The following WFDC6 variants were observed in gnomAD, a reference collection of about 807,000 sequenced individuals.
WFDC6 encodes the protein WAP four-disulfide core domain protein 6.
In WFDC6, 10 loss-of-function variants were observed where a neutral mutation model predicts 8.2. The ratio of observed to expected loss-of-function variants is 1.22; its 90% CI spans 0.75 to 2.07. The LOEUF (loss-of-function observed/expected upper bound fraction) is 2.07. Ranked by LOEUF, WFDC6 falls within the 30% of genes most tolerant of loss-of-function variation. The pLI is 0.00. For synonymous variants in WFDC6, 28 were observed against 37.0 expected (o/e 0.76, Z 0.88); for missense variants, 105 against 104.9 (o/e 1.00, Z 0.00).
At chr20:45,537,362 G>T in intron 2 of WFDC6, 1 of 706,398 alleles carries the variant, frequency 1.4e-6, no homozygotes, top group Non-Finnish European at 2.4e-6. Flanking sequence ...TGACCTTCCT[G>T]GCCACAATGA....
chr20:45,535,326 A>G (rs1299187152), intron 2 of WFDC6: 3 of 1,303,014 alleles, frequency 2.3e-6, no homozygotes, highest in Non-Finnish European at 3.0e-6. Flanking sequence ...CATACTGCAT[A>G]TATCTGCAGG....
At chr20:45,534,569 G>A (rs1358755608) in intron 2 of WFDC6, 64 bp from the exon 3 acceptor site, 19 of 1,578,492 alleles carry the variant, frequency 1.2e-5, no homozygotes, top group Non-Finnish European at 1.6e-5. Context: ...ACCAAATCTT[G>A]CACCTAATGG....
chr20:45,534,317 T>C lies in WFDC6; in HGVS notation c.*150A>G. Reference sequence around the variant, plus strand: ...GTGGTCAAGGGGAAGAGCATTGTGTTTGAAGAGATGCTACGCTGGAAGAAA... The same window carrying C: ...GTGGTCAAGGGGAAGAGCATTGTGTCTGAAGAGATGCTACGCTGGAAGAAA... On this transcript the variant is annotated 3_prime_UTR_variant, in exon 3 of 3. Transcript: ENST00000372670. 4 of 900,422 alleles carry C rather than the reference T, an allele frequency of 4.4e-6. No homozygotes were observed. Among genetic ancestry groups the C allele is most frequent in the South Asian group, 2.8e-5 (2 of 71,500 alleles). 55.8% of individuals were successfully genotyped at this position (900,422 alleles called of 1,614,324 possible). A position where few individuals can be genotyped will look rare whatever the true frequency, so the allele number is the denominator to read the frequency against.
At chr20:45,536,720 C>A (rs890960661) in intron 2 of WFDC6, 1 of 152,238 alleles carries the variant, frequency 6.6e-6, no homozygotes, top group African/African-American at 2.4e-5. Context: ...TCTCAGCCCA[C>A]ATATTCATGC....
intron 2 of WFDC6, among the ~76,000 whole-genome samples, chr20:45,536,068 T>C (rs1174036258): frequency 6.6e-6 from 1 of 152,230 alleles, no homozygotes; most frequent in Non-Finnish European, 1.5e-5. Context: ...CTCTTTGCTT[T>C]TCTTCGTTGC....
chr20:45,539,301 A>G lies in WFDC6; in HGVS notation c.91+16T>C, dbSNP rs772986015. ...TTTCCTTTCCCCATTGCAAGGACGG[A>G]GTTCCCAATACTTACTGCCAAGGAT... On this transcript the variant is annotated intron_variant, in intron 1 of 2. Transcript: ENST00000372670. 3 of 1,612,472 alleles carry G rather than the reference A, an allele frequency of 1.9e-6. No homozygotes were observed. The highest frequency in any genetic ancestry group is 2.5e-6 in the Non-Finnish European group (3 of 1,178,692).
At position 45,534,475 on chromosome 20, in the gene WFDC6, G is replaced by T. The variant is rs1044159979; in HGVS notation, c.253C>A (p.Leu85Ile). The T allele has an allele frequency of 6.2e-7, 1 of 1,613,892 alleles. No homozygotes were observed. The highest frequency in any genetic ancestry group is 8.5e-7 in the Non-Finnish European group (1 of 1,179,924). ...GAGCCAAATCCTGGAGGTTATTCAA[G>T]CTCCTCCTTATGGTATAAAGTAAGG... Reference protein sequence around the residue: ...VSLTLYHKEELE With the variant: ...VSLTLYHKEEIE Residue 85 changes from leucine to isoleucine, a missense_variant, in exon 3 of 3, where the codon CTT (leucine) becomes ATT (isoleucine). Transcript: ENST00000372670.
At chr20:45,537,875 C>A in intron 2 of WFDC6, 89 bp downstream of exon 2, 1 of 1,596,138 alleles carries the variant, frequency 6.3e-7, no homozygotes. Flanking sequence ...CAGAGACCAG[C>A]CATCAGTGAA....
intron 2 of WFDC6, among the ~76,000 whole-genome samples, chr20:45,536,196 C>T (rs1979358048): frequency 6.6e-6 from 1 of 151,228 alleles, no homozygotes; most frequent in Non-Finnish European, 1.5e-5. Context: ...CATCTTGATA[C>T]AGCAGTTTCT....
At position 45,534,357 on chromosome 20, in the gene WFDC6, C is replaced by T; in HGVS notation, c.*110G>A. On this transcript the variant is annotated 3_prime_UTR_variant, in exon 3 of 3. Transcript: ENST00000372670. ...GCTGGAAGAAAGTGTGTAAGCAATT[C>T]CTGGGGTTCAGTTTCTGGAACAGCC... is the stretch of plus-strand genomic sequence containing the variant. 1.6e-6 allele frequency: 2 copies of T among 1,279,866 alleles called. No individual in the cohort carries two copies. Among genetic ancestry groups the T allele is most frequent in the Non-Finnish European group, 2.3e-6 (2 of 876,790 alleles). 79.3% of individuals were successfully genotyped at this position (1,279,866 alleles called of 1,614,324 possible). A position where few individuals can be genotyped will look rare whatever the true frequency, so the allele number is the denominator to read the frequency against.
At position 45,538,012 on chromosome 20, in the gene WFDC6, C is replaced by G; in HGVS notation, c.174G>C (p.Met58Ile). The change falls in exon 2 of 3, where the codon ATG becomes ATC. Residue 58 changes from methionine (M) to isoleucine (I), a missense_variant. Coordinates refer to ENST00000372670, the MANE Select transcript of WFDC6 (RefSeq NM_080827.2). ...TTCCACGGCTGAACGGGCAACACTT[C>G]ATGTTTTCTGGGCAATCTCTGGGTT... is the stretch of plus-strand genomic sequence containing the variant. Reference protein sequence around the residue: ...CTKPRDCPENMKCCPFSRGKK... With the variant: ...CTKPRDCPENIKCCPFSRGKK... 1 of 1,614,048 alleles carries G rather than the reference C, an allele frequency of 6.2e-7. No homozygotes were observed. Among genetic ancestry groups the G allele is most frequent in the African/African-American group, 1.3e-5 (1 of 75,038 alleles).
At chr20:45,537,397 CAG>C in intron 2 of WFDC6, 1 of 946,688 alleles carries the variant, frequency 1.1e-6, no homozygotes, top group Non-Finnish European at 1.7e-6. Context: ...TCATGGGTGT[CAG>C]GGGCACCAAT....
At chr20:45,537,607 T>C in intron 2 of WFDC6, 1 of 1,505,066 alleles carries the variant, frequency 6.6e-7, no homozygotes, top group Non-Finnish European at 9.0e-7. Flanking sequence ...AGCTATCATA[T>C]AACCTGACAC....
At chr20:45,535,065 C>G in intron 2 of WFDC6, 10 of 1,204,560 alleles carry the variant, frequency 8.3e-6, no homozygotes, top group Non-Finnish European at 1.1e-5. Context: ...TTTTGTCATC[C>G]CCAGCGCCAC....
intron 2 of WFDC6, 31 bp from the exon 3 acceptor site, chr20:45,534,536 C>T: frequency 6.2e-7 from 1 of 1,613,060 alleles, no homozygotes; most frequent in Non-Finnish European, 8.5e-7. Context: ...GGGTGAGATG[C>T]TTGGACCCTG....
intron 2 of WFDC6, 90 bp downstream of exon 2, chr20:45,537,874 G>T (rs1568986682): frequency 6.3e-7 from 1 of 1,595,942 alleles, no homozygotes; most frequent in Non-Finnish European, 8.5e-7. Context: ...TCAGAGACCA[G>T]CCATCAGTGA....
rs181120845 is a variant in WFDC6 at position 45,534,487 on chromosome 20, G to A, written c.241C>T (p.His81Tyr). ...DFRKVSLTLY[H>Y]KEELE ...GGAGGTTATTCAAGCTCCTCCTTAT[G>A]GTATAAAGTAAGGCTGACCTGTGAA... The change falls in exon 3 of 3, where the codon CAT becomes TAT. Residue 81 changes from histidine to tyrosine, a missense_variant. Transcript: ENST00000372670. 138 of 1,613,900 alleles carry A rather than the reference G, an allele frequency of 8.6e-5. 1 individual carries two copies. In the Admixed American group the frequency reaches 2.2e-3, roughly 26 times the overall value.
chr20:45,535,616 C>T (rs187446476), intron 2 of WFDC6, among the ~76,000 whole-genome samples: 1 of 152,356 alleles, frequency 6.6e-6, no homozygotes, highest in East Asian at 1.9e-4. Context: ...GCCTCCCCAA[C>T]ATCTGAACAC....
chr20:45,537,340 G>A, intron 2 of WFDC6: 1 of 624,750 alleles, frequency 1.6e-6, no homozygotes. Flanking sequence ...CTCTTTCCCA[G>A]AAAAACTTTT....
Sources: gnomAD v4.1 joint callset for allele counts (sites outside exome capture counted in the v4.1 genomes callset) on GRCh38, gnomAD v4.1.1 for gene constraint, MANE v1.5 for transcripts, NCBI Gene and HGNC (gene_info 2026-07-23, HGNC 2026-07-21) for gene names.